Variants in ARHGEF10L observed in about 807,000 individuals in gnomAD.
ARHGEF10L encodes rho guanine nucleotide exchange factor 10-like protein.
In ARHGEF10L, 69 loss-of-function variants were observed where a neutral mutation model predicts 141.2. The ratio of observed to expected loss-of-function variants is 0.49; its 90% CI spans 0.40 to 0.60. The LOEUF (loss-of-function observed/expected upper bound fraction) is 0.60, where lower values mean the gene tolerates loss of function less well. ARHGEF10L is among the 20% of genes least tolerant of loss of function. The pLI is 0.00. For missense variants in ARHGEF10L, 1,482 were observed against 1,734.3 expected (o/e 0.85, Z 2.58); for synonymous variants, 711 against 718.5 (o/e 0.99, Z 0.17).
rs79321686 is a variant in ARHGEF10L, at chr1:17,595,905, G to A, written c.258-6222G>A. ...CGGAGAAATGCTAAGTGCTTTATCT[G>A]CATCATCTCACTGAATCCTCACAGC... On this transcript the variant is annotated intron_variant, in intron 4 of 28. Coordinates refer to ENST00000361221, the MANE Select transcript of ARHGEF10L (RefSeq NM_018125.4). 7.3e-4 allele frequency among the ~76,000 whole-genome samples: 111 copies of A among 152,302 alleles called. 2 individuals are homozygous for A. The East Asian group carries it at 0.021, about 29-fold the overall frequency.
chr1:17,580,407 G>A (rs1292119033), intron 1 of ARHGEF10L, 146 bp from the exon 2 acceptor site: 4 of 657,236 alleles, frequency 6.1e-6, no homozygotes, highest in African/African-American at 5.4e-5. Flanking sequence ...GATTTATGAA[G>A]GCTGGAGGCT....
chr1:17,621,778 C>A lies in ARHGEF10L; in HGVS notation c.943-86C>A. The A allele has an allele frequency of 8.0e-7, 1 of 1,248,674 alleles. No individual in the cohort carries two copies. Among genetic ancestry groups the A allele is most frequent in the Non-Finnish European group, 1.2e-6 (1 of 851,008 alleles). 77.3% of individuals were successfully genotyped at this position (1,248,674 alleles called of 1,614,324 possible). On this transcript the variant is annotated intron_variant, in intron 10 of 28. Transcript: ENST00000361221. This position sits in a 1 kb window ranked among gnomAD's most constrained non-coding sequence, Gnocchi z 4.1. Reference sequence around the variant, plus strand: ...ACCTGGGAGGGATGGGTTTCTCTGTCCTATAGTTGTCAGCTCCCCTTCCTG... The same window carrying A: ...ACCTGGGAGGGATGGGTTTCTCTGTACTATAGTTGTCAGCTCCCCTTCCTG...
the ARHGEF10L span, among the ~76,000 whole-genome samples, chr1:17,526,048 G>A: frequency 6.7e-6 from 1 of 149,222 alleles, no homozygotes; most frequent in African/African-American, 2.5e-5. Context: ...AGGAGGAAAA[G>A]AACTAGAGGG....
chr1:17,654,536 C>A lies in ARHGEF10L; in HGVS notation c.2395-100C>A. 9.5e-7 allele frequency: 1 copy of A among 1,049,672 alleles called. No individual in the cohort carries two copies. Among genetic ancestry groups the A allele is most frequent in the South Asian group, 1.3e-5 (1 of 79,726 alleles). The allele number at this position is 1,049,672 out of a possible 1,614,324, so 65.0% of individuals were successfully genotyped here. A position where few individuals can be genotyped will look rare whatever the true frequency, so the allele number is the denominator to read the frequency against. On this transcript the variant is annotated intron_variant, in intron 22 of 28. Transcript: ENST00000361221. This position sits in a 1 kb window ranked among gnomAD's most constrained non-coding sequence, Gnocchi z 4.3. ...TTCCTGGCCCCCACCCACAGGGATT[C>A]TAATCCAGGGAGAGTTGGATGGGGC...
intron 2 of ARHGEF10L, among the ~76,000 whole-genome samples, 170 bp from the exon 3 acceptor site, chr1:17,587,290 C>A (rs889048487): frequency 1.3e-5 from 2 of 152,204 alleles, no homozygotes; most frequent in Non-Finnish European, 2.9e-5. Flanking sequence ...CCCCTCCCCC[C>A]GGCCTTACCA....
Position 17,573,460 on chromosome 1 carries a change from G to A in ARHGEF10L, c.-43-7093G>A, listed in dbSNP as rs561124779. Among the ~76,000 whole-genome samples the A allele has an allele frequency of 8.5e-5, 13 of 152,366 alleles. No homozygotes were observed. The South Asian group carries it at 2.3e-3, about 27-fold the overall frequency. On this transcript the variant is annotated intron_variant, in intron 1 of 28. Transcript: ENST00000361221. This position sits in a 1 kb window ranked among gnomAD's most constrained non-coding sequence, Gnocchi z 4.8. ...TGAGGGTCTGGGGTTCTCTGGAGAA[G>A]AGGGGGGTCAGTTCAGCTGATGGCA...
At chr1:17,526,001 CAAAA>C in the ARHGEF10L span, among the ~76,000 whole-genome samples, 1 of 60,282 alleles carries the variant, frequency 1.7e-5, no homozygotes, top group Non-Finnish European at 3.4e-5. Context: ...GACTCTGTCT[CAAAA>C]AAAAAAAAAA....
intron 27 of ARHGEF10L, among the ~76,000 whole-genome samples, chr1:17,693,207 G>C (rs537742368): frequency 6.6e-6 from 1 of 152,184 alleles, no homozygotes; most frequent in African/African-American, 2.4e-5. Flanking sequence ...TCCAGTGCTC[G>C]GAAGCCACAT....
intron 26 of ARHGEF10L, among the ~76,000 whole-genome samples, chr1:17,675,420 T>C (rs2063586049): frequency 6.6e-6 from 1 of 152,208 alleles, no homozygotes; most frequent in Non-Finnish European, 1.5e-5. Flanking sequence ...GCAGATACTG[T>C]GCACGTATGG....
the ARHGEF10L span, among the ~76,000 whole-genome samples, chr1:17,519,234 A>G: frequency 6.6e-6 from 1 of 151,132 alleles, no homozygotes; most frequent in African/African-American, 2.4e-5. Flanking sequence ...TCTCGGAGCC[A>G]GGAGCCCTTT....
Position 17,656,845 on chromosome 1 carries a change from C to T in ARHGEF10L, c.2860+137C>T, listed in dbSNP as rs768226266. On this transcript the variant is annotated intron_variant, in intron 25 of 28. Transcript: ENST00000361221. The surrounding 1 kb of genome is among the most constrained non-coding windows in gnomAD (Gnocchi z 4.9). ...TCAGTGCTGAGGGCATTTGGAGATC[C>T]GTGAGCCCCGCTGGGGTTCAATGGG... 1.0e-4 allele frequency: 113 copies of T among 1,132,620 alleles called. No individual in the cohort carries two copies. The highest frequency in any genetic ancestry group is 1.2e-4 in the Non-Finnish European group (100 of 821,786). The allele number at this position is 1,132,620 out of a possible 1,614,324, so 70.2% of individuals were successfully genotyped here.
the ARHGEF10L span, among the ~76,000 whole-genome samples, chr1:17,525,966 C>T: frequency 6.8e-6 from 1 of 146,854 alleles, no homozygotes; most frequent in Non-Finnish European, 1.5e-5. Flanking sequence ...CCCACCACTG[C>T]ACCCTAGCCT....
At chr1:17,582,616 C>A (rs2078671782) in intron 2 of ARHGEF10L, among the ~76,000 whole-genome samples, 1 of 152,214 alleles carries the variant, frequency 6.6e-6, no homozygotes, top group Non-Finnish European at 1.5e-5. Context: ...GGAATCCACG[C>A]TTTAGTTGGA....
chr1:17,559,176 T>A (rs1223977687), intron 1 of ARHGEF10L, among the ~76,000 whole-genome samples: 1 of 152,226 alleles, frequency 6.6e-6, no homozygotes. Flanking sequence ...TCAACCTTTC[T>A]GTTTCAGTTC....
At chr1:17,637,574 C>T (rs1006368032) in intron 18 of ARHGEF10L, among the ~76,000 whole-genome samples, 2 of 152,124 alleles carry the variant, frequency 1.3e-5, no homozygotes, top group African/African-American at 2.4e-5. Flanking sequence ...TCTCGGCTCA[C>T]TGCAAGCTCC....
chr1:17,615,926 G>A lies in ARHGEF10L; in HGVS notation c.727-168G>A, dbSNP rs1254826623. The A allele has an allele frequency of 9.7e-6, 6 of 615,782 alleles. No homozygotes were observed. Among genetic ancestry groups the A allele is most frequent in the South Asian group, 2.0e-5 (1 of 49,638 alleles). 38.1% of individuals were successfully genotyped at this position (615,782 alleles called of 1,614,324 possible). On this transcript the variant is annotated intron_variant, in intron 8 of 28. Transcript: ENST00000361221. The surrounding 1 kb of genome is among the most constrained non-coding windows in gnomAD (Gnocchi z 4.7). ...AAGAGGGAGATCCCCGGGCATGAAC[G>A]CACCTTCTCACCCCCACTGTCGTCC...
At chr1:17,693,198 C>G (rs1452606057) in intron 27 of ARHGEF10L, among the ~76,000 whole-genome samples, 1 of 152,342 alleles carries the variant, frequency 6.6e-6, no homozygotes, top group East Asian at 1.9e-4. Context: ...AGCTATATTT[C>G]CAGTGCTCGG....
At chr1:17,524,417 AC>A in the ARHGEF10L span, among the ~76,000 whole-genome samples, 5 of 136,492 alleles carry the variant, frequency 3.7e-5, no homozygotes, top group Admixed American at 7.3e-5. Flanking sequence ...ACACACACAC[AC>A]ACAAAATTAG....
the ARHGEF10L span, among the ~76,000 whole-genome samples, chr1:17,513,462 A>AG: frequency 4.6e-5 from 7 of 152,170 alleles, no homozygotes; most frequent in Non-Finnish European, 1.0e-4. Flanking sequence ...TCATTCTCCA[A>AG]GGGTCAGTCT....
Sources: gnomAD v4.1 joint callset for allele counts (sites outside exome capture counted in the v4.1 genomes callset) on GRCh38, gnomAD v4.1.1 for gene constraint, Gnocchi (gnomAD v3.1) non-coding constraint, MANE v1.5 for transcripts, NCBI Gene and HGNC (gene_info 2026-07-23, HGNC 2026-07-21) for gene names.